The following PPP2R3A variants were observed in gnomAD, a reference collection of about 807,000 sequenced individuals.
The protein encoded by PPP2R3A is protein phosphatase 2 regulatory subunit B''alpha.
PPP2R3A carries 80 observed loss-of-function variants against 106.9 expected under a neutral mutation model. The ratio of observed to expected loss-of-function variants is 0.75; its 90% CI spans 0.62 to 0.90. The LOEUF is 0.90. PPP2R3A is among the 40% of genes least tolerant of loss of function. PPP2R3A has a pLI of 0.00. For missense variants in PPP2R3A, 1,386 were observed against 1,350.4 expected, an observed-to-expected ratio of 1.03 and a Z score of -0.41; for synonymous variants, 483 against 468.3, an observed-to-expected ratio of 1.03 and a Z score of -0.41.
intron 5 of PPP2R3A, among the ~76,000 whole-genome samples, chr3:136,068,646 C>T (rs757916614): frequency 1.3e-5 from 2 of 152,176 alleles, no homozygotes; most frequent in Non-Finnish European, 2.9e-5. Context: ...GTAAATGTTG[C>T]AGGCATAATC....
At chr3:136,079,102 A>G (rs748333499) in intron 7 of PPP2R3A, 2 of 427,248 alleles carry the variant, frequency 4.7e-6, no homozygotes, top group East Asian at 7.0e-5. Flanking sequence ...TAGGCTAATA[A>G]TACAACCTTA....
At chr3:135,976,060 CTGTT>C (rs779104397) in intron 1 of PPP2R3A, among the ~76,000 whole-genome samples, 1 of 152,014 alleles carries the variant, frequency 6.6e-6, no homozygotes, top group Non-Finnish European at 1.5e-5. Flanking sequence ...ATTTTTCTGT[CTGTT>C]GGGTTGCATA....
intron 1 of PPP2R3A, 62 bp from the exon 2 acceptor site, chr3:136,000,995 GAA>G (rs1351490448): frequency 1.5e-5 from 6 of 394,176 alleles, no homozygotes; most frequent in African/African-American, 1.0e-4. Context: ...GGGATGCAAA[GAA>G]AGAGGAAATC....
At chr3:135,987,175 G>T (rs1932959339) in intron 1 of PPP2R3A, among the ~76,000 whole-genome samples, 1 of 152,122 alleles carries the variant, frequency 6.6e-6, no homozygotes, top group African/African-American at 2.4e-5. Flanking sequence ...AGAGTTTACT[G>T]TATTTGTATA....
chr3:136,085,274 T>G (rs1034525677), intron 8 of PPP2R3A, among the ~76,000 whole-genome samples: 2 of 152,134 alleles, frequency 1.3e-5, no homozygotes, highest in African/African-American at 4.8e-5. Context: ...GCTCATGGTT[T>G]TAGAAAGGGG....
intron 2 of PPP2R3A, among the ~76,000 whole-genome samples, chr3:136,010,373 C>T (rs1934015086): frequency 6.7e-6 from 1 of 148,706 alleles, no homozygotes; most frequent in African/African-American, 2.5e-5. Context: ...GCCTCAGCCT[C>T]CCGAGCAGCT....
chr3:136,145,267 C>G lies in PPP2R3A; in HGVS notation c.*101C>G. The stretch of plus-strand genomic sequence containing the variant: ...TACTGCTTTTTAAAGACTTTGATTT[C>G]TCCAAGTGTGTATCATCTGCACTAG... On this transcript the variant is annotated 3_prime_UTR_variant, in exon 14 of 14. Coordinates refer to ENST00000264977, the MANE Select transcript of PPP2R3A (RefSeq NM_002718.5). The G allele has an allele frequency of 7.2e-7, 1 of 1,391,134 alleles. No individual in the cohort carries two copies. The highest frequency in any genetic ancestry group is 9.6e-7 in the Non-Finnish European group (1 of 1,043,500). 86.2% of individuals were successfully genotyped at this position (1,391,134 alleles called of 1,614,324 possible).
chr3:136,074,082 C>T (rs1936524073), intron 6 of PPP2R3A, among the ~76,000 whole-genome samples: 1 of 152,162 alleles, frequency 6.6e-6, no homozygotes, highest in African/African-American at 2.4e-5. Context: ...ATCTTCGTGG[C>T]ATACAGTATA....
chr3:136,100,029 C>G (rs1222656246), intron 10 of PPP2R3A, among the ~76,000 whole-genome samples: 1 of 151,900 alleles, frequency 6.6e-6, no homozygotes, highest in Non-Finnish European at 1.5e-5. Flanking sequence ...AAAAGCCCAG[C>G]CAAATAGATG....
chr3:136,078,267 A>G, intron 6 of PPP2R3A, 100 bp from the exon 7 acceptor site: 2 of 795,848 alleles, frequency 2.5e-6, no homozygotes, highest in Admixed American at 2.5e-5. Context: ...CAAAAAGCTA[A>G]AAGTTAAATT....
intron 2 of PPP2R3A, among the ~76,000 whole-genome samples, chr3:136,007,647 G>A (rs1012438139): frequency 6.6e-6 from 1 of 152,086 alleles, no homozygotes; most frequent in African/African-American, 2.4e-5. Flanking sequence ...TTGAGGAGAG[G>A]GTGCTTTCTC....
chr3:136,062,653 G>GTGAACCTGGGAGGAA (rs1936115308), intron 5 of PPP2R3A, among the ~76,000 whole-genome samples: 1 of 150,712 alleles, frequency 6.6e-6, no homozygotes, highest in Non-Finnish European at 1.5e-5. Context: ...GGGAGGCGGA[G>GTGAACCTGGGAGGAA]CTTGCAGTGA....
At chr3:136,061,857 G>A (rs1936085696) in intron 5 of PPP2R3A, among the ~76,000 whole-genome samples, 1 of 149,844 alleles carries the variant, frequency 6.7e-6, no homozygotes, top group African/African-American at 2.5e-5. Flanking sequence ...GACCTGGGAG[G>A]TGGAGCTTGC....
chr3:136,094,743 T>A (rs922475153), intron 10 of PPP2R3A, among the ~76,000 whole-genome samples: 2 of 152,164 alleles, frequency 1.3e-5, no homozygotes, highest in Non-Finnish European at 2.9e-5. Flanking sequence ...GTTTAGAACC[T>A]CCTGAAAAAG....
intron 1 of PPP2R3A, among the ~76,000 whole-genome samples, chr3:135,993,441 C>T (rs1180623626): frequency 6.6e-6 from 1 of 152,166 alleles, no homozygotes; most frequent in African/African-American, 2.4e-5. Context: ...TCAAGTGCTG[C>T]TAAGGGTATA....
rs1446960889 is a variant in PPP2R3A at position 136,145,520 on chromosome 3, C to G, written c.*354C>G. 6.4e-6 allele frequency: 1 copy of G among 155,122 alleles called. No homozygotes were observed. Among genetic ancestry groups the G allele is most frequent in the Non-Finnish European group, 1.4e-5 (1 of 69,928 alleles). 9.6% of individuals were successfully genotyped at this position (155,122 alleles called of 1,614,324 possible). Reference sequence around the variant, plus strand: ...CTGTGTTGGCTGGCATCCCTGAGTCCCCTCCGGGCTCCTATGGAGCCTAGA... The same window carrying G: ...CTGTGTTGGCTGGCATCCCTGAGTCGCCTCCGGGCTCCTATGGAGCCTAGA... On this transcript the variant is annotated 3_prime_UTR_variant, in exon 14 of 14. Coordinates refer to ENST00000264977, the MANE Select transcript of PPP2R3A (RefSeq NM_002718.5).
intron 1 of PPP2R3A, among the ~76,000 whole-genome samples, chr3:135,982,398 T>C (rs1937550140): frequency 6.6e-6 from 1 of 152,200 alleles, no homozygotes; most frequent in Admixed American, 6.5e-5. Flanking sequence ...GTCCGCTGAA[T>C]GAAGAACTTT....
intron 2 of PPP2R3A, chr3:136,023,165 G>A (rs914731522): frequency 3.1e-6 from 5 of 1,613,302 alleles, no homozygotes; most frequent in Non-Finnish European, 4.2e-6. Context: ...TCCCTTCACG[G>A]TTTAAGAAGC....
At chr3:136,098,329 A>G (rs1487906483) in intron 10 of PPP2R3A, among the ~76,000 whole-genome samples, 2 of 152,340 alleles carry the variant, frequency 1.3e-5, no homozygotes, top group South Asian at 4.1e-4. Flanking sequence ...AACAAATAGT[A>G]AAAAACTTTT....
Sources: allele counts gnomAD v4.1 joint callset (sites outside exome capture counted in the v4.1 genomes callset), GRCh38; gene constraint gnomAD v4.1.1; transcripts MANE v1.5; gene names NCBI Gene and HGNC (gene_info 2026-07-23, HGNC 2026-07-21).